Variants in CCNY observed in about 807,000 individuals in gnomAD.
CCNY encodes cyclin Y.
CCNY carries 19 observed loss-of-function variants against 42.8 expected under a neutral mutation model. The ratio of observed to expected loss-of-function variants is 0.44; its 90% CI spans 0.31 to 0.65. CCNY has a LOEUF of 0.65. Among genes scored for constraint, CCNY ranks in the 30% least tolerant of loss-of-function variants. CCNY has a pLI of 0.07. For missense variants in CCNY, 370 were observed against 437.3 expected, an observed-to-expected ratio of 0.85 and a Z score of 1.37; for synonymous variants, 165 against 162.7, an observed-to-expected ratio of 1.01 and a Z score of -0.11.
chr10:35,378,739 C>G (rs1837110855), intron 1 of CCNY, among the ~76,000 whole-genome samples: 1 of 152,202 alleles, frequency 6.6e-6, no homozygotes, highest in Non-Finnish European at 1.5e-5. Context: ...TTACCATGAT[C>G]TTACTAGTTA....
rs1197777492 is a variant in CCNY, at chr10:35,571,550, G to C, written c.*2380G>C. 6.6e-6 allele frequency: 1 copy of C among 152,320 alleles called. No individual in the cohort carries two copies. Among genetic ancestry groups the C allele is most frequent in the African/African-American group, 2.4e-5 (1 of 41,452 alleles). The allele number at this position is 152,320 out of a possible 1,614,324, so 9.4% of individuals were successfully genotyped here. A position where few individuals can be genotyped will look rare whatever the true frequency, so the allele number is the denominator to read the frequency against. On this transcript the variant is annotated 3_prime_UTR_variant, in exon 10 of 10. Transcript: ENST00000374704. ...CACTAAGGATGTTTAAAACTCCGCT[G>C]TAAGTGTAGATTTTAGTTTTACTGG...
At chr10:35,249,337 T>C (rs1481155545) in intron 2 of CCNY, among the ~76,000 whole-genome samples, 1 of 152,162 alleles carries the variant, frequency 6.6e-6, no homozygotes, top group African/African-American at 2.4e-5. Context: ...GACTAATCTG[T>C]TTTGCAAGCA....
At position 35,479,014 on chromosome 10, in the gene CCNY, A is replaced by G. The variant is rs529067285; in HGVS notation, c.155-4390A>G. 1.9e-3 allele frequency among the ~76,000 whole-genome samples: 288 copies of G among 152,360 alleles called. 1 individual carries two copies. The highest frequency in any genetic ancestry group is 6.5e-3 in the African/African-American group (271 of 41,588). On this transcript the variant is annotated intron_variant, in intron 1 of 9. Coordinates refer to ENST00000374704, the MANE Select transcript of CCNY (RefSeq NM_145012.6). ...AAAAACACGTGAAAAAATGCTCACC[A>G]TCACTGGCCATCAGAGAAATGCAAA...
intron 1 of CCNY, chr10:35,394,965 A>G (rs956693682): frequency 8.9e-6 from 4 of 451,222 alleles, no homozygotes; most frequent in Admixed American, 6.4e-5. Context: ...CATTCGCCAC[A>G]TATTCTTCCC....
intron 1 of CCNY, among the ~76,000 whole-genome samples, chr10:35,426,166 C>T (rs193137403): frequency 6.9e-6 from 1 of 144,572 alleles, no homozygotes; most frequent in African/African-American, 2.6e-5. Flanking sequence ...CACAGATGTG[C>T]GTGTGCTCTC....
intron 1 of CCNY, among the ~76,000 whole-genome samples, chr10:35,341,036 A>T (rs1589045611): frequency 6.6e-6 from 1 of 152,190 alleles, no homozygotes; most frequent in African/African-American, 2.4e-5. Context: ...TTCTCGACAC[A>T]ACAGCCATGG....
intron 3 of CCNY, among the ~76,000 whole-genome samples, chr10:35,253,476 C>G (rs1466031086): frequency 8.6e-6 from 1 of 116,344 alleles, no homozygotes; most frequent in Non-Finnish European, 1.6e-5. Context: ...GGGAGTCTCT[C>G]TTTGTTGCCT....
At position 35,553,008 on chromosome 10, in the gene CCNY, T is replaced by C; in HGVS notation, c.580-11T>C. 1 of 1,612,070 alleles carries C rather than the reference T, an allele frequency of 6.2e-7. No homozygotes were observed. Among genetic ancestry groups the C allele is most frequent in the Non-Finnish European group, 8.5e-7 (1 of 1,178,208 alleles). On this transcript the variant is annotated splice_polypyrimidine_tract_variant and intron_variant, in intron 7 of 9. Coordinates refer to ENST00000374704, the MANE Select transcript of CCNY (RefSeq NM_145012.6). ...AAATCACTTAGCTCTGGCATTGTCT[T>C]GTCTTCCCAGGTGTACCTTGAAAGA...
intron 1 of CCNY, among the ~76,000 whole-genome samples, chr10:35,416,024 C>G (rs114311938): frequency 1.3e-5 from 2 of 152,120 alleles, no homozygotes; most frequent in South Asian, 4.1e-4. Context: ...GAAAGAGCAG[C>G]TTTATACAAT....
intron 3 of CCNY, among the ~76,000 whole-genome samples, chr10:35,275,517 A>C (rs886099558): frequency 6.6e-6 from 1 of 151,478 alleles, no homozygotes; most frequent in Non-Finnish European, 1.5e-5. Context: ...TAATCCCAGC[A>C]CTTTGGGAGG....
At chr10:35,564,311 G>A (rs976602307) in intron 8 of CCNY, among the ~76,000 whole-genome samples, 5 of 152,054 alleles carry the variant, frequency 3.3e-5, no homozygotes, top group Non-Finnish European at 2.9e-5. Flanking sequence ...GGCCTTCCTC[G>A]GGCCTCCTTC....
At chr10:35,261,520 G>A (rs914697582) in intron 3 of CCNY, among the ~76,000 whole-genome samples, 14 of 151,872 alleles carry the variant, frequency 9.2e-5, no homozygotes, top group Non-Finnish European at 1.5e-4. Context: ...TTACAGGCAT[G>A]AGCCACCACA....
At chr10:35,388,998 C>A (rs1015246368) in intron 1 of CCNY, among the ~76,000 whole-genome samples, 1 of 152,186 alleles carries the variant, frequency 6.6e-6, no homozygotes, top group African/African-American at 2.4e-5. Context: ...TTTAGGCTCA[C>A]CCAGATAATA....
chr10:35,493,342 CCTA>C (rs1296461768), intron 2 of CCNY, among the ~76,000 whole-genome samples: 5 of 152,212 alleles, frequency 3.3e-5, no homozygotes, highest in Non-Finnish European at 5.9e-5. Flanking sequence ...ACAGCCTTGT[CCTA>C]CTGTTAGACA....
At chr10:35,481,096 C>T (rs1303765746) in intron 1 of CCNY, among the ~76,000 whole-genome samples, 1 of 152,162 alleles carries the variant, frequency 6.6e-6, no homozygotes, top group Non-Finnish European at 1.5e-5. Flanking sequence ...ACATATTTTC[C>T]CCCAAAAGGG....
intron 3 of CCNY, among the ~76,000 whole-genome samples, chr10:35,283,695 G>A (rs376583265): frequency 2.4e-4 from 37 of 152,276 alleles, no homozygotes; most frequent in East Asian, 2.1e-3. Flanking sequence ...GAGCCACTGC[G>A]CCCAGCCGGT....
chr10:35,534,997 A>ATGTGTG (rs1376046634), intron 7 of CCNY, among the ~76,000 whole-genome samples: 82 of 47,914 alleles, frequency 1.7e-3, no homozygotes, highest in Admixed American at 8.7e-3. Context: ...AGATCTATAT[A>ATGTGTG]TATGTGTGTG....
At chr10:35,514,212 C>CAATAATGA (rs1186457451) in intron 3 of CCNY, among the ~76,000 whole-genome samples, 12 of 151,980 alleles carry the variant, frequency 7.9e-5, no homozygotes, top group African/African-American at 2.9e-4. Flanking sequence ...GTCTTGTAGT[C>CAATAATGA]CTGACAGTCA....
chr10:35,249,162 G>A (rs1017351129), intron 2 of CCNY, among the ~76,000 whole-genome samples: 3 of 152,088 alleles, frequency 2.0e-5, no homozygotes, highest in Admixed American at 2.0e-4. Context: ...GGCTGGTCTC[G>A]AACTCCTGAA....
Sources: gnomAD v4.1 joint callset for allele counts (sites outside exome capture counted in the v4.1 genomes callset) on GRCh38, gnomAD v4.1.1 for gene constraint, MANE v1.5 for transcripts, NCBI Gene and HGNC (gene_info 2026-07-23, HGNC 2026-07-21) for gene names.